The following SETBP1 variants were observed in gnomAD, a reference collection of about 807,000 sequenced individuals.
SETBP1 encodes SET-binding protein.
A neutral mutation model predicts 101.0 loss-of-function variants in SETBP1; 9 were observed. That is an observed-to-expected ratio of 0.09 (90% CI 0.05 to 0.16). The LOEUF is 0.16. SETBP1 is among the 10% of genes least tolerant of loss of function. SETBP1 has a pLI of 1.00. For missense variants in SETBP1, 1,858 were observed against 2,033.8 expected (o/e 0.91, Z 1.66); for synonymous variants, 818 against 788.5 (o/e 1.04, Z -0.63).
chr18:44,754,396 T>G (rs2070449340), intron 2 of SETBP1, among the ~76,000 whole-genome samples: 1 of 152,218 alleles, frequency 6.6e-6, no homozygotes, highest in African/African-American at 2.4e-5. Context: ...CTAAGTTGAT[T>G]TTGGATTGGC....
chr18:44,851,664 T>C (rs893851323), intron 2 of SETBP1, among the ~76,000 whole-genome samples: 4 of 152,168 alleles, frequency 2.6e-5, no homozygotes, highest in Non-Finnish European at 4.4e-5. Context: ...GCCAGGCACA[T>C]AATATGCTTT....
chr18:44,892,507 G>A (rs62092681), intron 3 of SETBP1, among the ~76,000 whole-genome samples: 1,879 of 152,214 alleles, frequency 0.012, 22 homozygotes, highest in Non-Finnish European at 0.017. Context: ...TCTAAAATAG[G>A]TTGTGATTTG....
chr18:44,999,919 G>A (rs1001439321), intron 4 of SETBP1, among the ~76,000 whole-genome samples: 4 of 152,192 alleles, frequency 2.6e-5, no homozygotes, highest in Admixed American at 1.3e-4. Flanking sequence ...AAATACAGCC[G>A]AATTAAGATG....
intron 2 of SETBP1, among the ~76,000 whole-genome samples, chr18:44,719,793 C>T (rs1369722687): frequency 6.6e-6 from 1 of 152,192 alleles, no homozygotes; most frequent in Non-Finnish European, 1.5e-5. Flanking sequence ...GCCACTTCTG[C>T]TCATCTTATT....
At chr18:44,977,074 C>G (rs571728120) in intron 4 of SETBP1, among the ~76,000 whole-genome samples, 1 of 152,300 alleles carries the variant, frequency 6.6e-6, no homozygotes, top group Admixed American at 6.5e-5. Flanking sequence ...CTCTTACTAC[C>G]TCTGAGGATT....
intron 4 of SETBP1, among the ~76,000 whole-genome samples, chr18:45,011,503 CA>C (rs1451647489): frequency 6.6e-6 from 1 of 152,208 alleles, no homozygotes; most frequent in East Asian, 1.9e-4. Context: ...CCTTCATCCA[CA>C]GAGTCTCACT....
At chr18:44,921,627 A>G (rs2070582320) in intron 3 of SETBP1, among the ~76,000 whole-genome samples, 1 of 152,200 alleles carries the variant, frequency 6.6e-6, no homozygotes, top group Non-Finnish European at 1.5e-5. Context: ...TAGTCAGTGC[A>G]GATGTCATTG....
intron 3 of SETBP1, among the ~76,000 whole-genome samples, chr18:44,938,519 C>A (rs1239783496): frequency 6.6e-6 from 1 of 152,226 alleles, no homozygotes; most frequent in East Asian, 1.9e-4. Flanking sequence ...GCTTATCTCT[C>A]CAGATAAAGC....
intron 5 of SETBP1, among the ~76,000 whole-genome samples, chr18:45,055,566 T>G (rs2073795077): frequency 6.6e-6 from 1 of 152,210 alleles, no homozygotes. Context: ...TTGGTTTTTT[T>G]TTAAGCACTT....
intron 4 of SETBP1, among the ~76,000 whole-genome samples, chr18:44,962,713 A>G (rs1230177650): frequency 6.6e-6 from 1 of 152,220 alleles, no homozygotes; most frequent in Admixed American, 6.5e-5. Flanking sequence ...CCTGTTACAG[A>G]GAGATTCAGA....
chr18:44,858,134 A>C (rs751519140), intron 2 of SETBP1, among the ~76,000 whole-genome samples: 2 of 152,240 alleles, frequency 1.3e-5, no homozygotes, highest in Non-Finnish European at 2.9e-5. Context: ...GGAAGTTGTC[A>C]TGAGAAGAAT....
chr18:44,897,187 G>A (rs779304237), intron 3 of SETBP1, among the ~76,000 whole-genome samples: 5 of 152,146 alleles, frequency 3.3e-5, no homozygotes, highest in Non-Finnish European at 5.9e-5. Context: ...GTCCTTTGGG[G>A]GCCATTTGAA....
chr18:45,037,736 A>G (rs1218287063), intron 4 of SETBP1, among the ~76,000 whole-genome samples: 1 of 152,116 alleles, frequency 6.6e-6, no homozygotes, highest in Admixed American at 6.5e-5. Context: ...TTTCAGCATC[A>G]TCATGACATG....
At chr18:44,691,462 G>C (rs2068931961) in intron 1 of SETBP1, among the ~76,000 whole-genome samples, 1 of 150,754 alleles carries the variant, frequency 6.6e-6, no homozygotes, top group African/African-American at 2.4e-5. Context: ...CTGCAAACTT[G>C]ATTGGCCCAG....
chr18:44,715,871 G>A (rs1011440483), intron 2 of SETBP1, among the ~76,000 whole-genome samples: 6 of 152,128 alleles, frequency 3.9e-5, no homozygotes, highest in African/African-American at 9.7e-5. Context: ...AAGTGGGCGC[G>A]TCCAGATACC....
At chr18:44,803,483 G>A (rs1313806571) in intron 2 of SETBP1, among the ~76,000 whole-genome samples, 1 of 152,090 alleles carries the variant, frequency 6.6e-6, no homozygotes, top group Non-Finnish European at 1.5e-5. Flanking sequence ...GCACTTCTTA[G>A]ACTGAGTCTC....
chr18:45,049,701 C>T (rs1599495269), intron 5 of SETBP1, among the ~76,000 whole-genome samples: 1 of 152,110 alleles, frequency 6.6e-6, no homozygotes, highest in East Asian at 1.9e-4. Context: ...CTACAGGGAG[C>T]CATTGAAGGC....
intron 4 of SETBP1, among the ~76,000 whole-genome samples, chr18:44,996,466 G>A (rs562113239): frequency 1.2e-4 from 19 of 152,268 alleles, no homozygotes; most frequent in South Asian, 2.1e-4. Context: ...CTCTGTCCAC[G>A]TGTAGGCCTG....
chr18:45,032,330 C>T (rs2073313972), intron 4 of SETBP1, among the ~76,000 whole-genome samples: 1 of 152,126 alleles, frequency 6.6e-6, no homozygotes, highest in Non-Finnish European at 1.5e-5. Flanking sequence ...CCCCCCTCTC[C>T]ACTTCTAAAC....
Sources: allele counts gnomAD v4.1 joint callset (sites outside exome capture counted in the v4.1 genomes callset), GRCh38; gene constraint gnomAD v4.1.1; transcripts MANE v1.5; gene names NCBI Gene and HGNC (gene_info 2026-07-23, HGNC 2026-07-21).